Variants in SLF2 observed in about 807,000 individuals in gnomAD.
SLF2 encodes the protein SMC5-SMC6 complex localization factor protein 2.
In SLF2, 68 loss-of-function variants were observed where a neutral mutation model predicts 124.3. The observed-to-expected ratio is 0.55, with a 90% CI of 0.45 to 0.67. The LOEUF (loss-of-function observed/expected upper bound fraction) is 0.67, where lower values mean the gene tolerates loss of function less well. Ranked by LOEUF, SLF2 falls within the 30% of genes least tolerant of loss-of-function variation. The pLI is 0.00. For missense variants in SLF2, 1,246 were observed against 1,373.7 expected (o/e 0.91, Z 1.47); for synonymous variants, 480 against 478.8 (o/e 1.00, Z -0.03).
intron 11 of SLF2, among the ~76,000 whole-genome samples, chr10:100,941,093 G>A (rs1353411895): frequency 1.3e-5 from 2 of 151,736 alleles, no homozygotes; most frequent in African/African-American, 4.8e-5. Context: ...TCACACCTTG[G>A]CCTCCCAAAG....
intron 4 of SLF2, among the ~76,000 whole-genome samples, chr10:100,922,034 C>G (rs1186208413): frequency 6.6e-6 from 1 of 152,144 alleles, no homozygotes; most frequent in Non-Finnish European, 1.5e-5. Context: ...ATTGATCAAG[C>G]TATCCAAATA....
rs1450463370 is a variant in SLF2, at chr10:100,962,946, G to A, written c.*1034G>A. 2 of 152,380 alleles carry A rather than the reference G, an allele frequency of 1.3e-5. No homozygotes were observed. Among genetic ancestry groups the A allele is most frequent in the Non-Finnish European group, 2.9e-5 (2 of 67,990 alleles). The allele number at this position is 152,380 out of a possible 1,614,324, so 9.4% of individuals were successfully genotyped here. On this transcript the variant is annotated 3_prime_UTR_variant, in exon 20 of 20. Coordinates refer to ENST00000238961, the MANE Select transcript of SLF2 (RefSeq NM_018121.4). ...TTAAACACTGGAGAGCCATCCTTTG[G>A]TTTAAATGGTAGAGGGTTAGTGGAA...
Position 100,917,231 on chromosome 10 carries a change from A to G in SLF2, c.846A>G (p.Lys282=). The G allele has an allele frequency of 6.2e-7, 1 of 1,614,170 alleles. No homozygotes were observed. Residue 282 remains lysine, a synonymous_variant, in exon 3 of 20, where the codon AAA becomes AAG. Transcript: ENST00000238961. ...CCTTAAAATCTAGTATAGAAAGAAA[A>G]TATAAACCAAGGCAGGAACAAAGGA... ...SLSLKSSIER[K]YKPRQEQRKQ...
intron 17 of SLF2, among the ~76,000 whole-genome samples, chr10:100,952,421 C>T (rs1300999879): frequency 6.6e-6 from 1 of 150,538 alleles, no homozygotes; most frequent in African/African-American, 2.4e-5. Context: ...GTGGCAGACA[C>T]CTGTAATCCC....
At chr10:100,913,946 G>T in intron 1 of SLF2, 1 of 897,668 alleles carries the variant, frequency 1.1e-6, no homozygotes, top group Non-Finnish European at 1.3e-6. Flanking sequence ...CAATATTCAT[G>T]TTACTAATAC....
At chr10:100,923,046 G>T (rs894718245) in intron 4 of SLF2, among the ~76,000 whole-genome samples, 2 of 152,120 alleles carry the variant, frequency 1.3e-5, no homozygotes, top group Non-Finnish European at 2.9e-5. Flanking sequence ...AAAATGCTGG[G>T]ATTACAGGTG....
chr10:100,932,281 G>A (rs1849752601), intron 9 of SLF2, among the ~76,000 whole-genome samples: 1 of 151,856 alleles, frequency 6.6e-6, no homozygotes, highest in Non-Finnish European at 1.5e-5. Flanking sequence ...TTATTCTCAG[G>A]TTACTGAGTG....
intron 17 of SLF2, among the ~76,000 whole-genome samples, chr10:100,952,627 A>G (rs1039318298): frequency 6.6e-6 from 1 of 151,994 alleles, no homozygotes; most frequent in African/African-American, 2.4e-5. Context: ...ATGTTTTTAT[A>G]AATGCTGTTG....
chr10:100,954,057 G>A (rs1342466534), intron 17 of SLF2, among the ~76,000 whole-genome samples: 1 of 151,140 alleles, frequency 6.6e-6, no homozygotes, highest in African/African-American at 2.4e-5. Context: ...AGGAGTTCAA[G>A]TCCAGCCTAG....
At position 100,916,988 on chromosome 10, in the gene SLF2, C is replaced by G; in HGVS notation, c.603C>G (p.Thr201=). Residue 201 remains threonine (T), a synonymous_variant, in exon 3 of 20, where the codon ACC becomes ACG. Coordinates refer to ENST00000238961, the MANE Select transcript of SLF2 (RefSeq NM_018121.4). ...CCAATGCAGACTCCAAAAAGCAGACCACAGTGGCAGAAGCTGACATCTTCA... is the reference window on the plus strand; with the variant it reads ...CCAATGCAGACTCCAAAAAGCAGACGACAGTGGCAGAAGCTGACATCTTCA... The part of the protein sequence containing the change: ...GKTNADSKKQ[T]TVAEADIFNN... 1 of 1,613,990 alleles carries G rather than the reference C, an allele frequency of 6.2e-7. No homozygotes were observed. The highest frequency in any genetic ancestry group is 8.5e-7 in the Non-Finnish European group (1 of 1,180,006).
chr10:100,920,600 G>A (rs1364864580), intron 4 of SLF2, among the ~76,000 whole-genome samples: 2 of 152,110 alleles, frequency 1.3e-5, no homozygotes, highest in Admixed American at 6.5e-5. Context: ...AAAGGACAAG[G>A]GGATATTTCA....
Position 100,931,170 on chromosome 10 carries a change from GA to G in SLF2, c.2436+98del. ...ATAATTTTATTTGCACATTACTGCA[GA>G]AAAAATTAATGTAGCACATCCATGA... is the stretch of plus-strand genomic sequence containing the variant. On this transcript the variant is annotated intron_variant, in intron 9 of 19. Coordinates refer to ENST00000238961, the MANE Select transcript of SLF2 (RefSeq NM_018121.4). 3 of 980,274 alleles carry G rather than the reference GA, an allele frequency of 3.1e-6. No individual in the cohort carries two copies. The South Asian group carries it at 4.6e-5, about 15-fold the overall frequency. 60.7% of individuals were successfully genotyped at this position (980,274 alleles called of 1,614,324 possible). A position where few individuals can be genotyped will look rare whatever the true frequency, so the allele number is the denominator to read the frequency against.
At chr10:100,939,260 C>T (rs1038591062) in intron 11 of SLF2, among the ~76,000 whole-genome samples, 1 of 152,180 alleles carries the variant, frequency 6.6e-6, no homozygotes, top group African/African-American at 2.4e-5. Context: ...TGGCTTACAC[C>T]TGTAATCCCA....
intron 11 of SLF2, among the ~76,000 whole-genome samples, chr10:100,943,083 T>G (rs570701602): frequency 6.6e-6 from 1 of 152,340 alleles, no homozygotes; most frequent in Admixed American, 6.5e-5. Context: ...AGCCTTCTAG[T>G]CACATGATTG....
Position 100,962,537 on chromosome 10 carries a change from A to G in SLF2, c.*625A>G, listed in dbSNP as rs1207655436. ...ACATCTAAACAAACAGTTGAGAAACAAAAGTTTGGCATGTTGTCAGATCCC... is the reference window on the plus strand; with the variant it reads ...ACATCTAAACAAACAGTTGAGAAACGAAAGTTTGGCATGTTGTCAGATCCC... On this transcript the variant is annotated 3_prime_UTR_variant, in exon 20 of 20. Coordinates refer to ENST00000238961, the MANE Select transcript of SLF2 (RefSeq NM_018121.4). 4 of 152,678 alleles carry G rather than the reference A, an allele frequency of 2.6e-5. No individual in the cohort carries two copies. The highest frequency in any genetic ancestry group is 4.4e-5 in the Non-Finnish European group (3 of 68,048). The allele number at this position is 152,678 out of a possible 1,614,324, so 9.5% of individuals were successfully genotyped here. A position where few individuals can be genotyped will look rare whatever the true frequency, so the allele number is the denominator to read the frequency against.
intron 9 of SLF2, among the ~76,000 whole-genome samples, chr10:100,935,730 A>G (rs1414175144): frequency 6.6e-6 from 1 of 152,060 alleles, no homozygotes; most frequent in African/African-American, 2.4e-5. Context: ...GTAAAAAGGC[A>G]TTACAGGCAT....
intron 6 of SLF2, chr10:100,926,258 G>T (rs370432719): frequency 6.6e-7 from 1 of 1,509,970 alleles, no homozygotes; most frequent in Non-Finnish European, 8.8e-7. Context: ...GCGGTGAGTC[G>T]TGATGGCGCC....
At position 100,924,895 on chromosome 10, in the gene SLF2, T is replaced by G. The variant is rs1171091336; in HGVS notation, c.1894T>G (p.Phe632Val). 1 of 1,614,198 alleles carries G rather than the reference T, an allele frequency of 6.2e-7. No individual in the cohort carries two copies. The highest frequency in any genetic ancestry group is 1.7e-5 in the Admixed American group (1 of 60,028). The change falls in exon 5 of 20, where the codon TTC becomes GTC. Residue 632 changes from phenylalanine (F) to valine (V), a missense_variant. Transcript: ENST00000238961. ...ACTGGAAGAAATAATGGCTTTGAAC[T>G]TCAATCAGACTCCTGCAGCTACAGG... ...KSLEEIMALN[F>V]NQTPAATGKP...
chr10:100,928,266 A>G (rs1193864521), intron 6 of SLF2, among the ~76,000 whole-genome samples: 1 of 152,140 alleles, frequency 6.6e-6, no homozygotes, highest in Non-Finnish European at 1.5e-5. Context: ...ATTACATGGA[A>G]GTTGGTATGT....
Sources: allele counts gnomAD v4.1 joint callset (sites outside exome capture counted in the v4.1 genomes callset), GRCh38; gene constraint gnomAD v4.1.1; transcripts MANE v1.5; gene names NCBI Gene and HGNC (gene_info 2026-07-23, HGNC 2026-07-21).